The following PCDH11X variants were observed in gnomAD, a reference collection of about 807,000 sequenced individuals.
The protein encoded by PCDH11X is protocadherin-11 X-linked.
A neutral mutation model predicts 53.3 loss-of-function variants in PCDH11X; 18 were observed. That is an observed-to-expected ratio of 0.34 (90% CI 0.23 to 0.50). The LOEUF (loss-of-function observed/expected upper bound fraction) is 0.50. Ranked by LOEUF, PCDH11X falls within the 20% of genes least tolerant of loss-of-function variation. The pLI, the probability that PCDH11X is intolerant of heterozygous loss-of-function variation, is 0.98. For synonymous variants in PCDH11X, 279 were observed against 393.3 expected (o/e 0.71, Z 3.44); for missense variants, 570 against 1,032.4 (o/e 0.55, Z 6.14).
At chrX:92,211,301 C>T (rs1467565466) in intron 7 of PCDH11X, among the ~76,000 whole-genome samples, 1 of 110,862 alleles carries the variant, frequency 9.0e-6, no homozygotes, top group Non-Finnish European at 1.9e-5. Context: ...AGGGGCAAGT[C>T]CTCCACACTT....
chrX:92,615,148 C>T (rs1281255996), intron 10 of PCDH11X, among the ~76,000 whole-genome samples: 1 of 111,411 alleles, frequency 9.0e-6, no homozygotes, highest in East Asian at 2.9e-4. Context: ...CCCACTGCAC[C>T]ACCATCTATG....
chrX:91,918,360 C>T (rs1346259640), intron 6 of PCDH11X, among the ~76,000 whole-genome samples: 1 of 108,083 alleles, frequency 9.3e-6, no homozygotes, highest in East Asian at 2.9e-4. Flanking sequence ...AAGTGTTGCG[C>T]ATTTACTGAG....
intron 6 of PCDH11X, among the ~76,000 whole-genome samples, chrX:92,148,793 TACAC>T (rs1165672428): frequency 9.3e-6 from 1 of 107,075 alleles, no homozygotes; most frequent in Non-Finnish European, 1.9e-5. Flanking sequence ...TATATATATA[TACAC>T]ACACACACAC....
intron 7 of PCDH11X, among the ~76,000 whole-genome samples, chrX:92,226,020 C>G (rs1395014936): frequency 1.8e-5 from 2 of 111,159 alleles, no homozygotes; most frequent in Non-Finnish European, 3.8e-5. Context: ...TATTTGGATG[C>G]AAAATTCAGA....
In PCDH11X at chrX:91,921,899, G is replaced by A. The variant is rs193292642; in HGVS notation, c.3033+42626G>A. ...AAAAACTGCCAAACTGTCTTCCAAA[G>A]TGGCTATAGATTCTCTTTCATTGGG... On this transcript the variant is annotated intron_variant, in intron 6 of 10. Coordinates refer to ENST00000682573, the MANE Select transcript of PCDH11X (RefSeq NM_032968.5). Among the ~76,000 whole-genome samples the A allele has an allele frequency of 8.1e-5, 9 of 110,887 alleles. No homozygotes were observed. In the East Asian group the frequency reaches 2.6e-3, roughly 32 times the overall value.
intron 5 of PCDH11X, among the ~76,000 whole-genome samples, chrX:91,864,403 T>TG (rs4023950): frequency 1.9e-5 from 2 of 105,952 alleles, no homozygotes; most frequent in African/African-American, 7.2e-5. Context: ...TGTGTGTGTG[T>TG]TTGTGTATTT....
intron 6 of PCDH11X, among the ~76,000 whole-genome samples, chrX:91,972,089 C>G (rs1227286742): frequency 9.2e-6 from 1 of 108,133 alleles, no homozygotes; most frequent in Non-Finnish European, 1.9e-5. Context: ...TCCTATTTCT[C>G]CACATCCTCT....
At chrX:92,408,668 T>C (rs1208273729) in intron 9 of PCDH11X, among the ~76,000 whole-genome samples, 2 of 111,529 alleles carry the variant, frequency 1.8e-5, no homozygotes, top group East Asian at 2.8e-4. Context: ...CTGCAAGCTC[T>C]GCCTCTCGGG....
At chrX:92,305,964 A>T (rs2148475478) in intron 8 of PCDH11X, among the ~76,000 whole-genome samples, 1 of 108,587 alleles carries the variant, frequency 9.2e-6, no homozygotes, top group African/African-American at 3.3e-5. Flanking sequence ...AAATAGGAGA[A>T]TACACATTTT....
At chrX:92,488,663 C>A (rs2073695347) in intron 10 of PCDH11X, among the ~76,000 whole-genome samples, 1 of 108,588 alleles carries the variant, frequency 9.2e-6, no homozygotes, top group African/African-American at 3.3e-5. Context: ...TGTTTGTATT[C>A]TAAATTCTGT....
intron 7 of PCDH11X, among the ~76,000 whole-genome samples, chrX:92,219,797 A>G (rs1274351599): frequency 2.6e-5 from 2 of 76,307 alleles, no homozygotes; most frequent in South Asian, 7.9e-4. Flanking sequence ...ACTTCAAACT[A>G]TACTACAAGA....
At chrX:92,286,494 AG>A (rs1359842300) in intron 8 of PCDH11X, among the ~76,000 whole-genome samples, 1 of 108,183 alleles carries the variant, frequency 9.2e-6, no homozygotes, top group East Asian at 2.9e-4. Context: ...AAGCAGATAT[AG>A]TACAAAGAAA....
intron 7 of PCDH11X, among the ~76,000 whole-genome samples, chrX:92,230,549 A>T (rs1312300561): frequency 2.1e-5 from 2 of 94,461 alleles, no homozygotes; most frequent in African/African-American, 7.6e-5. Flanking sequence ...TATCTATAAT[A>T]TATAATATAT....
intron 6 of PCDH11X, among the ~76,000 whole-genome samples, chrX:92,177,419 G>A (rs1210754493): frequency 9.0e-6 from 1 of 111,695 alleles, no homozygotes; most frequent in East Asian, 2.8e-4. Context: ...GATGTATTCT[G>A]ATTTTATCAC....
At chrX:91,809,899 C>T (rs1936242850) in intron 2 of PCDH11X, among the ~76,000 whole-genome samples, 1 of 111,001 alleles carries the variant, frequency 9.0e-6, no homozygotes, top group Non-Finnish European at 1.9e-5. Flanking sequence ...AGGATTACCA[C>T]TTCCCATATA....
At position 92,288,896 on chromosome X, in the gene PCDH11X, G is replaced by A. The variant is rs1457416379; in HGVS notation, c.3144+25753G>A. Among the ~76,000 whole-genome samples the A allele has an allele frequency of 5.5e-5, 6 of 109,670 alleles. No individual in the cohort carries two copies. In the East Asian group the frequency reaches 1.7e-3, roughly 31 times the overall value. On this transcript the variant is annotated intron_variant, in intron 8 of 10. Transcript: ENST00000682573. ...TTATAATTGACCAAATTTTTATAAT[G>A]TAAAAGAGAAATTAATGAATGCTGT...
chrX:92,245,539 C>T lies in PCDH11X; in HGVS notation c.3115-17575C>T, dbSNP rs142790320. On this transcript the variant is annotated intron_variant, in intron 7 of 10. Coordinates refer to ENST00000682573, the MANE Select transcript of PCDH11X (RefSeq NM_032968.5). Reference sequence around the variant, plus strand: ...AAGGAGACTCTAATCTCTGTGAGGACAAAGATGAGTATGTCTATTCTGGCA... The same window carrying T: ...AAGGAGACTCTAATCTCTGTGAGGATAAAGATGAGTATGTCTATTCTGGCA... Among the ~76,000 whole-genome samples, 1,008 of 112,390 alleles carry T rather than the reference C, an allele frequency of 9.0e-3. 10 individuals carry two copies. Among genetic ancestry groups the T allele is most frequent in the African/African-American group, 0.031 (968 of 30,985 alleles).
chrX:92,346,122 A>G (rs1489791913), intron 8 of PCDH11X, among the ~76,000 whole-genome samples: 1 of 110,948 alleles, frequency 9.0e-6, no homozygotes, highest in African/African-American at 3.3e-5. Flanking sequence ...TGCCAATGCT[A>G]TATTGGCAAT....
At chrX:92,013,338 C>T (rs1234352693) in intron 6 of PCDH11X, among the ~76,000 whole-genome samples, 2 of 111,372 alleles carry the variant, frequency 1.8e-5, no homozygotes, top group Non-Finnish European at 3.8e-5. Context: ...ATGTGAAGGA[C>T]CTCTTCGAAG....
Sources: allele counts gnomAD v4.1 joint callset (sites outside exome capture counted in the v4.1 genomes callset), GRCh38; gene constraint gnomAD v4.1.1; transcripts MANE v1.5; gene names NCBI Gene and HGNC (gene_info 2026-07-23, HGNC 2026-07-21).